The following DLGAP1 variants were observed in gnomAD, a reference collection of about 807,000 sequenced individuals.
DLGAP1 encodes DLG associated protein 1.
A neutral mutation model predicts 90.8 loss-of-function variants in DLGAP1; 11 were observed. That is an observed-to-expected ratio of 0.12 (90% CI 0.08 to 0.20). The LOEUF (loss-of-function observed/expected upper bound fraction) is 0.20. Ranked by LOEUF, DLGAP1 falls within the 10% of genes least tolerant of loss-of-function variation. The pLI, the probability that DLGAP1 is intolerant of heterozygous loss-of-function variation, is 1.00. For synonymous variants in DLGAP1, 558 were observed against 540.7 expected (o/e 1.03, Z -0.44); for missense variants, 1,050 against 1,333.8 (o/e 0.79, Z 3.31).
At chr18:3,696,610 T>G (rs1286575635) in intron 7 of DLGAP1, among the ~76,000 whole-genome samples, 1 of 152,208 alleles carries the variant, frequency 6.6e-6, no homozygotes, top group Non-Finnish European at 1.5e-5. Flanking sequence ...AGTATTTTAT[T>G]GAGGATTTCT....
intron 2 of DLGAP1, among the ~76,000 whole-genome samples, chr18:4,130,455 C>G (rs567426496): frequency 6.6e-6 from 1 of 152,294 alleles, no homozygotes; most frequent in South Asian, 2.1e-4. Context: ...TGATTAGAAA[C>G]TCTTACCATT....
chr18:3,521,299 G>C (rs1039265068), intron 10 of DLGAP1, among the ~76,000 whole-genome samples: 2 of 152,154 alleles, frequency 1.3e-5, no homozygotes, highest in African/African-American at 4.8e-5. Context: ...GGGAACTATA[G>C]GGTTTTCTTA....
At chr18:4,347,174 C>G (rs146809734) in intron 1 of DLGAP1, among the ~76,000 whole-genome samples, 57 of 152,112 alleles carry the variant, frequency 3.7e-4, no homozygotes, top group African/African-American at 1.3e-3. Flanking sequence ...TTAAAGAGAT[C>G]AATTTCCATA....
chr18:3,659,635 G>A lies in DLGAP1; in HGVS notation c.1591+69500C>T, dbSNP rs143520470. On this transcript the variant is annotated intron_variant, in intron 7 of 12. Transcript: ENST00000315677. ...GGCTGGAGTGCAGTGGTGCAATCTC[G>A]GCTCACTGCAACCTCCGCCTCCCAG... 2.7e-3 allele frequency among the ~76,000 whole-genome samples: 412 copies of A among 150,614 alleles called. 2 individuals are homozygous for A. The highest frequency in any genetic ancestry group is 4.0e-3 in the Non-Finnish European group (272 of 67,796).
chr18:4,317,760 G>T (rs1036787913), intron 1 of DLGAP1, among the ~76,000 whole-genome samples: 8 of 152,220 alleles, frequency 5.3e-5, no homozygotes, highest in Non-Finnish European at 1.0e-4. Flanking sequence ...TCCCCAGGAT[G>T]ATCAAACACA....
At chr18:4,319,796 C>A (rs2080632169) in intron 1 of DLGAP1, among the ~76,000 whole-genome samples, 1 of 152,156 alleles carries the variant, frequency 6.6e-6, no homozygotes, top group Non-Finnish European at 1.5e-5. Flanking sequence ...AGTTTCTAAA[C>A]AGGAAAATCA....
intron 1 of DLGAP1, among the ~76,000 whole-genome samples, chr18:4,258,220 T>G (rs944241088): frequency 6.6e-6 from 1 of 152,048 alleles, no homozygotes; most frequent in African/African-American, 2.4e-5. Context: ...AATTTTTTGG[T>G]AGAGACAAGG....
At chr18:3,733,729 T>C (rs1220027020) in intron 6 of DLGAP1, among the ~76,000 whole-genome samples, 1 of 152,208 alleles carries the variant, frequency 6.6e-6, no homozygotes, top group African/African-American at 2.4e-5. Flanking sequence ...GGAATCAATA[T>C]TTCCTGCGTT....
chr18:4,213,524 T>C (rs2077890161), intron 1 of DLGAP1, among the ~76,000 whole-genome samples: 1 of 152,142 alleles, frequency 6.6e-6, no homozygotes, highest in South Asian at 2.1e-4. Context: ...CACTCAGAGA[T>C]GTAGAACTCT....
At chr18:4,367,024 A>G (rs928364678) in intron 1 of DLGAP1, among the ~76,000 whole-genome samples, 6 of 150,450 alleles carry the variant, frequency 4.0e-5, no homozygotes, top group African/African-American at 1.5e-4. Context: ...AAAAAAAAAA[A>G]AAAAAATCTT....
intron 2 of DLGAP1, among the ~76,000 whole-genome samples, chr18:4,099,345 A>ATCTATCTATCTATCTG (rs1185423870): frequency 1.4e-5 from 1 of 73,014 alleles, no homozygotes; most frequent in African/African-American, 6.0e-5. Flanking sequence ...CTATCTATCT[A>ATCTATCTATCTATCTG]TCTGTCTGTC....
chr18:4,011,379 G>T (rs983911220), intron 2 of DLGAP1, among the ~76,000 whole-genome samples: 4 of 152,160 alleles, frequency 2.6e-5, no homozygotes, highest in Admixed American at 6.5e-5. Flanking sequence ...GTAGGTAAAA[G>T]GCTGTTTAGA....
chr18:3,623,171 TGTCCTCACTG>T (rs1230501557), intron 7 of DLGAP1, among the ~76,000 whole-genome samples: 1 of 152,082 alleles, frequency 6.6e-6, no homozygotes, highest in African/African-American at 2.4e-5. Context: ...TGTGTCCCCA[TGTCCTCACTG>T]GTGAAACAGG....
chr18:4,131,195 G>A (rs60112050), intron 2 of DLGAP1, among the ~76,000 whole-genome samples: 16 of 151,838 alleles, frequency 1.1e-4, no homozygotes, highest in Admixed American at 5.2e-4. Context: ...AAAAAACGTG[G>A]GCGTGTGTGT....
At chr18:3,601,396 T>G (rs2057015570) in intron 7 of DLGAP1, among the ~76,000 whole-genome samples, 1 of 151,668 alleles carries the variant, frequency 6.6e-6, no homozygotes, top group Non-Finnish European at 1.5e-5. Context: ...CAGAATGGAG[T>G]AATCTGATGT....
chr18:3,716,342 C>G (rs1479719932), intron 7 of DLGAP1, among the ~76,000 whole-genome samples: 1 of 152,048 alleles, frequency 6.6e-6, no homozygotes, highest in Non-Finnish European at 1.5e-5. Flanking sequence ...TGAGACCAGC[C>G]TGGGCAATAT....
chr18:4,370,195 T>C (rs755104176), intron 1 of DLGAP1, among the ~76,000 whole-genome samples: 1 of 151,914 alleles, frequency 6.6e-6, no homozygotes, highest in Admixed American at 6.6e-5. Flanking sequence ...GGAGAAGCAA[T>C]ATGAAGAAAA....
At chr18:4,343,306 CA>C (rs57366946) in intron 1 of DLGAP1, among the ~76,000 whole-genome samples, 162 of 105,162 alleles carry the variant, frequency 1.5e-3, no homozygotes, top group Middle Eastern at 0.012. Flanking sequence ...CACTCCTTCT[CA>C]AAAAAAAAAA....
At chr18:4,008,146 T>C (rs760645753) in intron 2 of DLGAP1, among the ~76,000 whole-genome samples, 1 of 151,920 alleles carries the variant, frequency 6.6e-6, no homozygotes, top group Non-Finnish European at 1.5e-5. Context: ...CCATGGGGGA[T>C]ACATTCCAAG....
Sources: gnomAD v4.1 joint callset for allele counts (sites outside exome capture counted in the v4.1 genomes callset) on GRCh38, gnomAD v4.1.1 for gene constraint, MANE v1.5 for transcripts, NCBI Gene and HGNC (gene_info 2026-07-23, HGNC 2026-07-21) for gene names.